Variants in PARP11 observed in about 807,000 individuals in gnomAD.
PARP11 encodes protein mono-ADP-ribosyltransferase PARP11.
A neutral mutation model predicts 42.9 loss-of-function variants in PARP11; 31 were observed. That is an observed-to-expected ratio of 0.72 (90% confidence interval 0.54 to 0.98). The LOEUF is 0.98. PARP11 is among the 50% of genes least tolerant of loss of function. PARP11 has a pLI of 0.00. For missense variants in PARP11, 365 were observed against 413.1 expected, an observed-to-expected ratio of 0.88 and a Z score of 1.01; for synonymous variants, 137 against 127.3, an observed-to-expected ratio of 1.08 and a Z score of -0.51.
At chr12:3,813,416 C>CG (rs1565529134) in intron 7 of PARP11, among the ~76,000 whole-genome samples, 1 of 152,134 alleles carries the variant, frequency 6.6e-6, no homozygotes, top group African/African-American at 2.4e-5. Context: ...CTCGATAAAG[C>CG]AGCCAACTCT....
chr12:3,842,453 G>A (rs1302298399), intron 1 of PARP11: 17 of 1,607,526 alleles, frequency 1.1e-5, no homozygotes, highest in Admixed American at 1.0e-4. Flanking sequence ...GTCAGAGGGC[G>A]ACCATTTAGG....
intron 1 of PARP11, among the ~76,000 whole-genome samples, chr12:3,830,732 C>T (rs1356388616): frequency 6.6e-6 from 1 of 152,134 alleles, no homozygotes; most frequent in African/African-American, 2.4e-5. Context: ...GGTCTCACAA[C>T]AACCTAGAGA....
rs1262129663 is a variant in PARP11 at position 3,811,109 on chromosome 12, T to C, written c.*1014A>G. 10 of 152,176 alleles carry C rather than the reference T, an allele frequency of 6.6e-5. No homozygotes were observed. Among genetic ancestry groups the C allele is most frequent in the Non-Finnish European group, 1.5e-4 (10 of 68,022 alleles). 9.4% of individuals were successfully genotyped at this position (152,176 alleles called of 1,614,324 possible). ...ATATCTAACTTTTCAAGAGAGTAGG[T>C]TGTCAACAGCTACTTCAAAGGAGAA... is the stretch of plus-strand genomic sequence containing the variant. On this transcript the variant is annotated 3_prime_UTR_variant, in exon 8 of 8. Coordinates refer to ENST00000228820, the MANE Select transcript of PARP11 (RefSeq NM_020367.6).
Position 3,861,672 on chromosome 12 carries a change from T to C in PARP11, c.18+11540A>G, listed in dbSNP as rs1258483604. On this transcript the variant is annotated intron_variant, in intron 1 of 7. Transcript: ENST00000228820. This position sits in a 1 kb window ranked among gnomAD's most constrained non-coding sequence, Gnocchi z 4.6. Reference sequence around the variant, plus strand: ...CAACAGCAGAAGTTTTTAATTTTGATAAAGTCTGTTTTATCACTTTTTTTT... The same window carrying C: ...CAACAGCAGAAGTTTTTAATTTTGACAAAGTCTGTTTTATCACTTTTTTTT... Among the ~76,000 whole-genome samples the C allele has an allele frequency of 6.6e-6, 1 of 152,224 alleles. No individual in the cohort carries two copies. Among genetic ancestry groups the C allele is most frequent in the East Asian group, 1.9e-4 (1 of 5,196 alleles).
intron 6 of PARP11, among the ~76,000 whole-genome samples, chr12:3,820,862 C>T (rs1947378233): frequency 6.6e-6 from 1 of 152,132 alleles, no homozygotes; most frequent in African/African-American, 2.4e-5. Context: ...CTGAAAGCCC[C>T]TTATTACCAT....
intron 1 of PARP11, among the ~76,000 whole-genome samples, chr12:3,854,004 T>C (rs1948146517): frequency 6.6e-6 from 1 of 152,204 alleles, no homozygotes; most frequent in African/African-American, 2.4e-5. Flanking sequence ...CACAACTGCA[T>C]GGAAACTGAA....
intron 4 of PARP11, chr12:3,824,726 C>A: frequency 2.2e-6 from 1 of 453,872 alleles, no homozygotes; most frequent in South Asian, 9.4e-5. Context: ...CTTGTCTCCA[C>A]CAAAGCACAG....
chr12:3,827,765 C>G (rs1947557147), intron 3 of PARP11, among the ~76,000 whole-genome samples: 2 of 152,172 alleles, frequency 1.3e-5, no homozygotes, highest in Non-Finnish European at 2.9e-5. Context: ...TGTTTCTGGG[C>G]CTTGGTTCAT....
Position 3,811,908 on chromosome 12 carries a change from C to A in PARP11, c.*215G>T. 1 of 513,906 alleles carries A rather than the reference C, an allele frequency of 1.9e-6. No individual in the cohort carries two copies. Among genetic ancestry groups the A allele is most frequent in the Non-Finnish European group, 3.4e-6 (1 of 293,916 alleles). 31.8% of individuals were successfully genotyped at this position (513,906 alleles called of 1,614,324 possible). On this transcript the variant is annotated 3_prime_UTR_variant, in exon 8 of 8. Coordinates refer to ENST00000228820, the MANE Select transcript of PARP11 (RefSeq NM_020367.6). Reference sequence around the variant, plus strand: ...CTATGTGTTAAAACATCAATGATATCAACTTTTAACAAACAAGACTACAAG... The same window carrying A: ...CTATGTGTTAAAACATCAATGATATAAACTTTTAACAAACAAGACTACAAG...
Position 3,861,949 on chromosome 12 carries a change from C to T in PARP11, c.18+11263G>A, listed in dbSNP as rs547586347. 6.6e-6 allele frequency among the ~76,000 whole-genome samples: 1 copy of T among 152,142 alleles called. No homozygotes were observed. Among genetic ancestry groups the T allele is most frequent in the East Asian group, 1.9e-4 (1 of 5,154 alleles). ...CTGAGACAGGAGAATGGCGTGAACC[C>T]AGGAGGCAGAGCTTGCAGTAGGATG... On this transcript the variant is annotated intron_variant, in intron 1 of 7. Coordinates refer to ENST00000228820, the MANE Select transcript of PARP11 (RefSeq NM_020367.6). This position sits in a 1 kb window ranked among gnomAD's most constrained non-coding sequence, Gnocchi z 4.6.
intron 7 of PARP11, 72 bp downstream of exon 7, chr12:3,813,965 A>T: frequency 8.6e-7 from 1 of 1,156,270 alleles, no homozygotes; most frequent in Non-Finnish European, 1.2e-6. Flanking sequence ...GTTCATATTT[A>T]TATTTATATT....
chr12:3,854,889 T>C (rs1472726834), intron 1 of PARP11, among the ~76,000 whole-genome samples: 1 of 152,118 alleles, frequency 6.6e-6, no homozygotes, highest in African/African-American at 2.4e-5. Flanking sequence ...CTCAATAAAA[T>C]ACTGGCAAAC....
intron 1 of PARP11, among the ~76,000 whole-genome samples, chr12:3,860,897 T>TC (rs1222625487): frequency 2.0e-5 from 3 of 152,108 alleles, no homozygotes; most frequent in African/African-American, 7.2e-5. Context: ...AGGCTGGTCT[T>TC]CAACTCCTGG....
At chr12:3,824,765 C>A (rs1947480990) in intron 4 of PARP11, 2 of 200,058 alleles carry the variant, frequency 1.0e-5, no homozygotes, top group Non-Finnish European at 1.8e-5. Context: ...ACAATAACAT[C>A]TTCCATTATT....
intron 1 of PARP11, among the ~76,000 whole-genome samples, chr12:3,853,592 A>G (rs1465677232): frequency 1.3e-5 from 2 of 152,250 alleles, no homozygotes; most frequent in African/African-American, 2.4e-5. Flanking sequence ...TAACTATCCT[A>G]AATATATATG....
At chr12:3,839,463 A>G in intron 1 of PARP11, 2 of 1,612,152 alleles carry the variant, frequency 1.2e-6, no homozygotes, top group South Asian at 1.1e-5. Context: ...CGGAGCAGGT[A>G]TTGCACTCTC....
chr12:3,842,199 G>C, intron 1 of PARP11: 2 of 1,608,146 alleles, frequency 1.2e-6, no homozygotes, highest in East Asian at 4.5e-5. Context: ...CAGCCCTGGG[G>C]CCAACTCTGT....
chr12:3,827,193 G>T (rs1481886096), intron 3 of PARP11, among the ~76,000 whole-genome samples: 2 of 152,218 alleles, frequency 1.3e-5, no homozygotes, highest in Non-Finnish European at 2.9e-5. Context: ...TGGCAGAATG[G>T]TTGGAGCTGA....
chr12:3,840,349 T>C lies in PARP11; in HGVS notation c.19-10331A>G. On this transcript the variant is annotated intron_variant, in intron 1 of 7. Coordinates refer to ENST00000228820, the MANE Select transcript of PARP11 (RefSeq NM_020367.6). The surrounding 1 kb of genome is among the most constrained non-coding windows in gnomAD (Gnocchi z 4.4). Reference sequence around the variant, plus strand: ...GAAGAAGATGAAAAAACCTTCCACTTCTGGACAAAATTTCCATTCTGATAT... The same window carrying C: ...GAAGAAGATGAAAAAACCTTCCACTCCTGGACAAAATTTCCATTCTGATAT... The C allele has an allele frequency of 3.7e-6, 6 of 1,614,124 alleles. No homozygotes were observed. Among genetic ancestry groups the C allele is most frequent in the Non-Finnish European group, 5.1e-6 (6 of 1,179,964 alleles).
Sources: gnomAD v4.1 joint callset for allele counts (sites outside exome capture counted in the v4.1 genomes callset) on GRCh38, gnomAD v4.1.1 for gene constraint, Gnocchi (gnomAD v3.1) non-coding constraint, MANE v1.5 for transcripts, NCBI Gene and HGNC (gene_info 2026-07-23, HGNC 2026-07-21) for gene names.